Variants in SLC25A21 observed in about 807,000 individuals in gnomAD.
SLC25A21 encodes mitochondrial 2-oxodicarboxylate carrier.
SLC25A21 carries 47 observed loss-of-function variants against 43.8 expected under a neutral mutation model. The observed-to-expected ratio is 1.07, with a 90% CI of 0.85 to 1.37. SLC25A21 has a LOEUF of 1.37. SLC25A21 is among the 40% of genes most tolerant of loss of function. The probability of loss-of-function intolerance (pLI) is 0.00; values close to 1 mark genes in which losing one functional copy is unlikely to be tolerated. For missense variants in SLC25A21, 352 were observed against 350.2 expected (o/e 1.00, Z -0.04); for synonymous variants, 131 against 121.3 (o/e 1.08, Z -0.52).
intron 3 of SLC25A21, among the ~76,000 whole-genome samples, chr14:36,781,275 A>T (rs975406821): frequency 6.6e-6 from 1 of 152,118 alleles, no homozygotes; most frequent in Admixed American, 6.5e-5. Flanking sequence ...AGTTTTTTTA[A>T]ATCCGTTCAG....
At chr14:36,945,710 G>C (rs1027403571) in intron 1 of SLC25A21, among the ~76,000 whole-genome samples, 26 of 152,218 alleles carry the variant, frequency 1.7e-4, no homozygotes, top group Admixed American at 2.6e-4. Context: ...CAGGGGCTGG[G>C]GGAGAAGATA....
intron 1 of SLC25A21, among the ~76,000 whole-genome samples, chr14:37,087,962 G>A (rs1291426642): frequency 6.6e-6 from 1 of 152,150 alleles, no homozygotes; most frequent in Non-Finnish European, 1.5e-5. Flanking sequence ...TATTGGAAAA[G>A]GACATCTAAT....
intron 1 of SLC25A21, among the ~76,000 whole-genome samples, chr14:36,930,708 C>T (rs1291274910): frequency 6.6e-6 from 1 of 152,098 alleles, no homozygotes; most frequent in Admixed American, 6.6e-5. Flanking sequence ...TAAAATCCTT[C>T]AATGGCCCTC....
intron 3 of SLC25A21, among the ~76,000 whole-genome samples, chr14:36,747,903 C>T (rs907696920): frequency 6.6e-5 from 10 of 152,056 alleles, no homozygotes; most frequent in Non-Finnish European, 1.3e-4. Flanking sequence ...AATTAGTCTC[C>T]AAAGGAAAAG....
At chr14:37,015,469 C>T (rs953070507) in intron 1 of SLC25A21, among the ~76,000 whole-genome samples, 5 of 151,970 alleles carry the variant, frequency 3.3e-5, no homozygotes, top group Admixed American at 3.3e-4. Context: ...GGTTCCAAGT[C>T]TTTGCTATTG....
At chr14:36,770,284 C>T (rs1566595454) in intron 3 of SLC25A21, among the ~76,000 whole-genome samples, 1 of 152,088 alleles carries the variant, frequency 6.6e-6, no homozygotes, top group Non-Finnish European at 1.5e-5. Flanking sequence ...AACCAACTAC[C>T]ACATGTTCTT....
At chr14:36,973,774 A>C (rs1959807988) in intron 1 of SLC25A21, among the ~76,000 whole-genome samples, 1 of 152,234 alleles carries the variant, frequency 6.6e-6, no homozygotes, top group Non-Finnish European at 1.5e-5. Context: ...ATAAAAGGGA[A>C]TGCAGAAATG....
chr14:37,076,448 T>C (rs990941465), intron 1 of SLC25A21, among the ~76,000 whole-genome samples: 9 of 151,454 alleles, frequency 5.9e-5, no homozygotes, highest in Admixed American at 2.0e-4. Flanking sequence ...CTGGTGTTTA[T>C]AGGTGTGAGC....
chr14:37,156,115 C>T (rs920287032), intron 1 of SLC25A21, among the ~76,000 whole-genome samples: 3 of 148,212 alleles, frequency 2.0e-5, no homozygotes, highest in Admixed American at 6.8e-5. Flanking sequence ...GCTGAGATCG[C>T]ACCACTGCAC....
At chr14:36,999,048 C>T (rs970500040) in intron 1 of SLC25A21, among the ~76,000 whole-genome samples, 23 of 152,102 alleles carry the variant, frequency 1.5e-4, no homozygotes, top group African/African-American at 4.8e-4. Context: ...AGCAATCTCT[C>T]TCCTTGATAT....
At chr14:36,771,268 C>G (rs944256254) in intron 3 of SLC25A21, among the ~76,000 whole-genome samples, 30 of 152,026 alleles carry the variant, frequency 2.0e-4, no homozygotes, top group African/African-American at 7.3e-4. Flanking sequence ...CTTACAAAAA[C>G]AGAAACACTA....
intron 1 of SLC25A21, among the ~76,000 whole-genome samples, chr14:37,036,811 T>C (rs899944958): frequency 4.6e-5 from 7 of 152,128 alleles, no homozygotes; most frequent in African/African-American, 9.7e-5. Flanking sequence ...AAAGACTACA[T>C]ACATCAGGGG....
At chr14:37,068,847 C>T (rs1401586322) in intron 1 of SLC25A21, among the ~76,000 whole-genome samples, 1 of 152,110 alleles carries the variant, frequency 6.6e-6, no homozygotes, top group Non-Finnish European at 1.5e-5. Context: ...ACTCCCCAAA[C>T]ATTATAAGCT....
chr14:37,098,155 G>A (rs1417889736), intron 1 of SLC25A21: 1 of 152,200 alleles, frequency 6.6e-6, no homozygotes, highest in Non-Finnish European at 1.5e-5. Flanking sequence ...TTTTTGAGCA[G>A]GTGGGACGGA....
At chr14:37,039,240 T>A (rs1163982104) in intron 1 of SLC25A21, among the ~76,000 whole-genome samples, 1 of 152,204 alleles carries the variant, frequency 6.6e-6, no homozygotes, top group African/African-American at 2.4e-5. Flanking sequence ...GCCTGTCTTA[T>A]AAGCATTGTT....
intron 3 of SLC25A21, among the ~76,000 whole-genome samples, chr14:36,779,291 T>C (rs1886948743): frequency 6.9e-6 from 1 of 145,320 alleles, no homozygotes; most frequent in Non-Finnish European, 1.5e-5. Context: ...TTATATATCA[T>C]ATTATTACAT....
chr14:36,923,797 A>T (rs1427695613), intron 1 of SLC25A21, among the ~76,000 whole-genome samples: 1 of 152,218 alleles, frequency 6.6e-6, no homozygotes, highest in Non-Finnish European at 1.5e-5. Context: ...AAGGGCTAAT[A>T]TCCAGAATCT....
intron 9 of SLC25A21, among the ~76,000 whole-genome samples, chr14:36,682,233 T>C (rs1882308484): frequency 6.6e-6 from 1 of 152,064 alleles, no homozygotes; most frequent in Admixed American, 6.6e-5. Flanking sequence ...TTCAAAAGTC[T>C]TAATCTTTAA....
At chr14:36,883,819 T>A (rs1890830756) in intron 1 of SLC25A21, among the ~76,000 whole-genome samples, 1 of 152,166 alleles carries the variant, frequency 6.6e-6, no homozygotes, top group South Asian at 2.1e-4. Flanking sequence ...ACTTATTTTT[T>A]TAAAAAATTA....
Sources: gnomAD v4.1 joint callset for allele counts (sites outside exome capture counted in the v4.1 genomes callset) on GRCh38, gnomAD v4.1.1 for gene constraint, MANE v1.5 for transcripts, NCBI Gene and HGNC (gene_info 2026-07-23, HGNC 2026-07-21) for gene names.